TMEM232: variants seen among roughly 807,000 people sequenced by gnomAD.
The protein encoded by TMEM232 is transmembrane protein 232.
TMEM232 carries 80 observed loss-of-function variants against 78.8 expected under a neutral mutation model. The ratio of observed to expected loss-of-function variants is 1.01; its 90% CI spans 0.85 to 1.22. The LOEUF is 1.22. Among genes scored for constraint, TMEM232 ranks in the 50% most tolerant of loss-of-function variants. The probability of loss-of-function intolerance (pLI) is 0.00; values close to 1 mark genes in which losing one functional copy is unlikely to be tolerated. For missense variants in TMEM232, 881 were observed against 742.2 expected, an observed-to-expected ratio of 1.19 and a Z score of -2.17; for synonymous variants, 297 against 254.3, an observed-to-expected ratio of 1.17 and a Z score of -1.60.
At position 110,640,891 on chromosome 5, in the gene TMEM232, C is replaced by A. The variant is rs1305567912; in HGVS notation, c.343G>T (p.Glu115Ter). 24 of 1,517,634 alleles carry A rather than the reference C, an allele frequency of 1.6e-5. No individual in the cohort carries two copies. Among genetic ancestry groups the A allele is most frequent in the Non-Finnish European group, 6.2e-6 (7 of 1,129,266 alleles). The allele number at this position is 1,517,634 out of a possible 1,614,324, so 94.0% of individuals were successfully genotyped here. The change falls in exon 4 of 14, where the codon GAA becomes TAA. Residue 115 changes from glutamate to a stop codon, truncating the protein, a stop_gained and splice_region_variant. Coordinates refer to ENST00000455884, the MANE Select transcript of TMEM232 (RefSeq NM_001039763.4). LOFTEE classifies it high-confidence loss of function. ...CCTAATAAGAATTTAAAGTACGTAC[C>A]ATCTTGGATTTCCCCTTTGCATTGA... ...LAQCKGEIQD[E>*]SLNMLYASLD...
intron 1 of TMEM232, among the ~76,000 whole-genome samples, chr5:110,672,436 G>A (rs141378760): frequency 6.6e-6 from 1 of 152,116 alleles, no homozygotes; most frequent in African/African-American, 2.4e-5. Flanking sequence ...ACACAAGTTT[G>A]TAAACCATTA....
At chr5:110,594,566 C>G (rs1779921368) in intron 10 of TMEM232, among the ~76,000 whole-genome samples, 1 of 152,192 alleles carries the variant, frequency 6.6e-6, no homozygotes, top group Non-Finnish European at 1.5e-5. Context: ...TCTTGAAATT[C>G]TTGCTGCCAG....
At chr5:110,422,818 G>C (rs1479221033) in intron 13 of TMEM232, among the ~76,000 whole-genome samples, 3 of 152,010 alleles carry the variant, frequency 2.0e-5, no homozygotes, top group Non-Finnish European at 2.9e-5. Context: ...CATGACAACA[G>C]ATCAATTTGG....
intron 11 of TMEM232, among the ~76,000 whole-genome samples, chr5:110,563,495 C>T (rs1003189704): frequency 3.3e-5 from 5 of 151,534 alleles, no homozygotes; most frequent in African/African-American, 9.7e-5. Context: ...GAGAGTAATA[C>T]AAATAATTGA....
intron 8 of TMEM232, among the ~76,000 whole-genome samples, chr5:110,609,371 A>G (rs936460919): frequency 6.6e-6 from 1 of 152,134 alleles, no homozygotes; most frequent in Middle Eastern, 3.2e-3. Context: ...TTTTCCCCAA[A>G]AAAAGTAAAA....
At chr5:110,517,520 C>T (rs1191125036) in intron 12 of TMEM232, among the ~76,000 whole-genome samples, 1 of 152,200 alleles carries the variant, frequency 6.6e-6, no homozygotes, top group African/African-American at 2.4e-5. Context: ...TGTCACCAAG[C>T]TGTAGCTCCA....
chr5:110,641,737 C>G (rs1379345335), intron 3 of TMEM232, among the ~76,000 whole-genome samples: 1 of 152,092 alleles, frequency 6.6e-6, no homozygotes, highest in African/African-American at 2.4e-5. Flanking sequence ...TGTTATTTCT[C>G]TGTAAAACTT....
In TMEM232 at chr5:110,564,133, T is replaced by A. The variant is rs1048125806; in HGVS notation, c.1455+4314A>T. 3.6e-4 allele frequency among the ~76,000 whole-genome samples: 54 copies of A among 152,016 alleles called. 1 individual carries two copies. The highest frequency in any genetic ancestry group is 1.3e-3 in the African/African-American group (54 of 41,448). On this transcript the variant is annotated intron_variant, in intron 11 of 13. Coordinates refer to ENST00000455884, the MANE Select transcript of TMEM232 (RefSeq NM_001039763.4). ...CTTCCTACCTATTAACATTAATTTG[T>A]ATCCATAATTATTATCTAAAAACGG...
intron 11 of TMEM232, among the ~76,000 whole-genome samples, chr5:110,567,006 G>A (rs750099912): frequency 2.6e-5 from 4 of 151,918 alleles, no homozygotes; most frequent in African/African-American, 4.8e-5. Flanking sequence ...GCAGGCAAGA[G>A]AGCATGTGCA....
At chr5:110,534,993 A>AT (rs1238861529) in intron 11 of TMEM232, among the ~76,000 whole-genome samples, 1 of 151,968 alleles carries the variant, frequency 6.6e-6, no homozygotes, top group Non-Finnish European at 1.5e-5. Flanking sequence ...ACCGCCCCTA[A>AT]TCCCGCTCAA....
At chr5:110,680,338 G>A (rs969911370) in intron 1 of TMEM232, among the ~76,000 whole-genome samples, 9 of 150,312 alleles carry the variant, frequency 6.0e-5, no homozygotes, top group Admixed American at 3.3e-4. Flanking sequence ...TGGAGGCTGC[G>A]GTGAGCCAAT....
intron 10 of TMEM232, among the ~76,000 whole-genome samples, chr5:110,588,872 T>G (rs1193210399): frequency 6.6e-6 from 1 of 152,000 alleles, no homozygotes. Flanking sequence ...TATTTTGGGG[T>G]CTATCATTCA....
At chr5:110,401,752 T>A (rs906464985) in intron 2 of TMEM232, among the ~76,000 whole-genome samples, 1 of 152,216 alleles carries the variant, frequency 6.6e-6, no homozygotes, top group South Asian at 2.1e-4. Context: ...TTGAATTAAC[T>A]GCCAATATGT....
At chr5:110,450,519 A>G (rs926945034) in intron 12 of TMEM232, among the ~76,000 whole-genome samples, 5 of 152,180 alleles carry the variant, frequency 3.3e-5, no homozygotes, top group African/African-American at 1.2e-4. Flanking sequence ...ATGTCAAAAT[A>G]GAGCCCCTGG....
chr5:110,688,287 C>T (rs1793676693), intron 1 of TMEM232, among the ~76,000 whole-genome samples: 1 of 152,084 alleles, frequency 6.6e-6, no homozygotes, highest in Admixed American at 6.6e-5. Context: ...GCCTGAACTT[C>T]AAGGCAGAAA....
At chr5:110,486,268 T>A (rs972893596) in intron 12 of TMEM232, among the ~76,000 whole-genome samples, 1 of 152,152 alleles carries the variant, frequency 6.6e-6, no homozygotes, top group Admixed American at 6.6e-5. Flanking sequence ...CTCTGTGGGT[T>A]GTCTGTTTAC....
intron 13 of TMEM232, among the ~76,000 whole-genome samples, chr5:110,420,988 A>C (rs985593569): frequency 6.6e-6 from 1 of 151,144 alleles, no homozygotes; most frequent in African/African-American, 2.4e-5. Flanking sequence ...AAAAAAAAAA[A>C]CAATAAAAAA....
chr5:110,667,333 T>C lies in TMEM232; in HGVS notation c.20A>G (p.Lys7Arg), dbSNP rs186494088. The change falls in exon 2 of 14, where the codon AAA becomes AGA. Residue 7 changes from lysine (K) to arginine (R), a missense_variant. Transcript: ENST00000455884. ...TCCACATGTATTAATCATAGGTGAT[T>C]TGTTAACAGGCATATTCATAAATCA... Reference protein sequence around the residue: MNMPVNKSPMINTCGGI... With the variant: MNMPVNRSPMINTCGGI... 4.2e-5 allele frequency: 64 copies of C among 1,527,932 alleles called. No homozygotes were observed. The Admixed American group carries it at 1.2e-3, about 30-fold the overall frequency. 94.6% of individuals were successfully genotyped at this position (1,527,932 alleles called of 1,614,324 possible).
intron 12 of TMEM232, among the ~76,000 whole-genome samples, chr5:110,425,277 G>C (rs1290510153): frequency 1.3e-5 from 2 of 152,066 alleles, no homozygotes; most frequent in Admixed American, 6.6e-5. Flanking sequence ...TATTACTAAG[G>C]GTGGAATTGT....
Sources: allele counts gnomAD v4.1 joint callset (sites outside exome capture counted in the v4.1 genomes callset), GRCh38; gene constraint gnomAD v4.1.1; transcripts MANE v1.5; gene names NCBI Gene and HGNC (gene_info 2026-07-23, HGNC 2026-07-21).